PDE3B: variants seen among roughly 807,000 people sequenced by gnomAD.
The protein encoded by PDE3B is phosphodiesterase 3B, also known as cGMP-inhibited 3',5'-cyclic phosphodiesterase 3B.
A neutral mutation model predicts 116.8 loss-of-function variants in PDE3B; 66 were observed. That is an observed-to-expected ratio of 0.56 (90% CI 0.46 to 0.69). PDE3B has a LOEUF of 0.69. PDE3B is among the 30% of genes least tolerant of loss of function. The pLI is 0.00. For synonymous variants in PDE3B, 595 were observed against 533.6 expected, an observed-to-expected ratio of 1.12 and a Z score of -1.59; for missense variants, 1,384 against 1,368.1, an observed-to-expected ratio of 1.01 and a Z score of -0.18.
chr11:14,659,957 G>A (rs1291895288), intron 1 of PDE3B, among the ~76,000 whole-genome samples: 1 of 152,106 alleles, frequency 6.6e-6, no homozygotes, highest in East Asian at 1.9e-4. Flanking sequence ...CAATCTGTTT[G>A]GTAAACTGAG....
chr11:14,797,954 C>G (rs949696960), intron 4 of PDE3B, among the ~76,000 whole-genome samples: 5 of 152,186 alleles, frequency 3.3e-5, no homozygotes, highest in African/African-American at 9.7e-5. Flanking sequence ...CTGACCAGAA[C>G]TTCCACTACC....
chr11:14,756,347 G>T (rs1045436022), intron 1 of PDE3B, among the ~76,000 whole-genome samples: 3 of 152,140 alleles, frequency 2.0e-5, no homozygotes, highest in African/African-American at 7.2e-5. Context: ...TAAAAGGGTG[G>T]AGAGAGTTTT....
intron 1 of PDE3B, among the ~76,000 whole-genome samples, chr11:14,749,169 G>A (rs143696653): frequency 1.1e-3 from 168 of 152,210 alleles, no homozygotes; most frequent in South Asian, 7.9e-3. Flanking sequence ...GATTACAAGC[G>A]TGAGCCATCC....
chr11:14,804,995 CATAA>C (rs1858877592), intron 5 of PDE3B, among the ~76,000 whole-genome samples: 1 of 151,940 alleles, frequency 6.6e-6, no homozygotes, highest in Admixed American at 6.5e-5. Flanking sequence ...AGGAAAAATA[CATAA>C]ATAACAGAAC....
At chr11:14,690,805 A>G (rs1356596392) in intron 1 of PDE3B, among the ~76,000 whole-genome samples, 3 of 152,092 alleles carry the variant, frequency 2.0e-5, no homozygotes, top group African/African-American at 7.2e-5. Context: ...ATTATTGATA[A>G]TCTTCACTAA....
intron 12 of PDE3B, among the ~76,000 whole-genome samples, chr11:14,850,548 A>G (rs982419116): frequency 8.5e-5 from 13 of 152,180 alleles, no homozygotes; most frequent in Admixed American, 3.3e-4. Context: ...TTGTATGGCT[A>G]GAAAGCTATA....
intron 1 of PDE3B, among the ~76,000 whole-genome samples, chr11:14,664,949 G>A (rs929649524): frequency 6.6e-6 from 1 of 152,138 alleles, no homozygotes; most frequent in Non-Finnish European, 1.5e-5. Flanking sequence ...CCAAAGCCGG[G>A]CAGAGACACA....
Position 14,871,587 on chromosome 11 carries a change from T to C in PDE3B, c.*1927T>C, listed in dbSNP as rs974597574. ...GGTTTTATATTGGGTTTCTTTAGTT[T>C]ATGTTGTTTTCTCAAAAGCAGCATT... On this transcript the variant is annotated 3_prime_UTR_variant, in exon 16 of 16. Transcript: ENST00000282096. 1 of 152,188 alleles carries C rather than the reference T, an allele frequency of 6.6e-6. No individual in the cohort carries two copies. The highest frequency in any genetic ancestry group is 2.1e-4 in the South Asian group (1 of 4,826). 9.4% of individuals were successfully genotyped at this position (152,188 alleles called of 1,614,324 possible).
intron 1 of PDE3B, among the ~76,000 whole-genome samples, chr11:14,663,381 T>G (rs1050152330): frequency 7.2e-5 from 11 of 152,270 alleles, no homozygotes; most frequent in African/African-American, 2.6e-4. Flanking sequence ...CCATCAAGGC[T>G]AGGAAGAAAC....
intron 1 of PDE3B, among the ~76,000 whole-genome samples, chr11:14,698,248 G>A (rs1267794263): frequency 6.6e-6 from 1 of 151,660 alleles, no homozygotes; most frequent in African/African-American, 2.4e-5. Context: ...TTAAAAAAAC[G>A]ATAAATGAAT....
At chr11:14,668,048 T>C (rs1037522108) in intron 1 of PDE3B, among the ~76,000 whole-genome samples, 1 of 150,110 alleles carries the variant, frequency 6.7e-6, no homozygotes, top group Non-Finnish European at 1.5e-5. Flanking sequence ...AAAAAAAGGT[T>C]TGAAGCATAC....
intron 1 of PDE3B, among the ~76,000 whole-genome samples, chr11:14,673,106 A>G (rs1392387389): frequency 6.6e-6 from 1 of 152,108 alleles, no homozygotes; most frequent in Non-Finnish European, 1.5e-5. Flanking sequence ...GAGCAAAGAT[A>G]AAATGCCTAA....
intron 1 of PDE3B, among the ~76,000 whole-genome samples, chr11:14,707,131 G>A (rs566118793): frequency 1.3e-5 from 2 of 152,052 alleles, no homozygotes; most frequent in African/African-American, 4.8e-5. Flanking sequence ...AAGAAAATGG[G>A]ATGATGGGGT....
At chr11:14,892,640 A>G in the PDE3B span, among the ~76,000 whole-genome samples, 1 of 152,222 alleles carries the variant, frequency 6.6e-6, no homozygotes, top group Non-Finnish European at 1.5e-5. Flanking sequence ...TCAACACTGC[A>G]GTCTTTAGCT....
chr11:14,827,698 C>T (rs1859742718), intron 7 of PDE3B, among the ~76,000 whole-genome samples: 1 of 152,180 alleles, frequency 6.6e-6, no homozygotes, highest in Non-Finnish European at 1.5e-5. Context: ...ATTCTGTGCT[C>T]ATGGATAGGA....
rs1855847110 is a variant in PDE3B at position 14,715,429 on chromosome 11, A to G, written c.979-56508A>G. ...CTTCCATTTGTTTGTATCCTCTTTT[A>G]TTTCCTTGAGCAGTGGTTTGTAGTT... On this transcript the variant is annotated intron_variant, in intron 1 of 15. Coordinates refer to ENST00000282096, the MANE Select transcript of PDE3B (RefSeq NM_000922.4). 2.0e-5 allele frequency among the ~76,000 whole-genome samples: 3 copies of G among 152,050 alleles called. No homozygotes were observed. In the South Asian group the frequency reaches 6.2e-4, roughly 32 times the overall value.
intron 1 of PDE3B, among the ~76,000 whole-genome samples, chr11:14,670,726 A>T (rs1854338337): frequency 6.6e-6 from 1 of 152,168 alleles, no homozygotes; most frequent in Non-Finnish European, 1.5e-5. Flanking sequence ...TTATCCTAAA[A>T]AATTTGTGAA....
intron 1 of PDE3B, among the ~76,000 whole-genome samples, chr11:14,683,284 ATCTGGG>A (rs1376716055): frequency 5.3e-5 from 8 of 152,040 alleles, no homozygotes; most frequent in Non-Finnish European, 1.2e-4. Context: ...TAGTGAAACC[ATCTGGG>A]TCTCAATTTT....
At chr11:14,868,526 T>C (rs1848088801) in intron 15 of PDE3B, among the ~76,000 whole-genome samples, 1 of 152,214 alleles carries the variant, frequency 6.6e-6, no homozygotes, top group Admixed American at 6.5e-5. Flanking sequence ...CAAACTGTAA[T>C]GACATACTTT....
Sources: gnomAD v4.1 joint callset for allele counts (sites outside exome capture counted in the v4.1 genomes callset) on GRCh38, gnomAD v4.1.1 for gene constraint, MANE v1.5 for transcripts, NCBI Gene and HGNC (gene_info 2026-07-23, HGNC 2026-07-21) for gene names.